Variants in CASP10 observed in about 807,000 individuals in gnomAD.
The protein encoded by CASP10 is caspase 10.
Under a neutral mutation model 48.5 loss-of-function variants are expected in CASP10, and 41 were observed. The observed-to-expected ratio is 0.85, with a 90% CI of 0.66 to 1.10. The LOEUF is 1.10. CASP10 is among the 50% of genes least tolerant of loss of function. CASP10 has a pLI of 0.00. For missense variants in CASP10, 614 were observed against 614.5 expected (o/e 1.00, Z 0.01); for synonymous variants, 232 against 238.4 (o/e 0.97, Z 0.25).
intron 5 of CASP10, chr2:201,200,414 T>C (rs1308259547): frequency 5.6e-6 from 9 of 1,593,168 alleles, no homozygotes; most frequent in South Asian, 1.1e-5. Flanking sequence ...AGCATTCTAC[T>C]GTAAAGAAGG....
At position 201,217,596 on chromosome 2, in the gene CASP10, A is replaced by T. The variant is rs757652360; in HGVS notation, c.1424A>T (p.Asp475Val). 2.5e-6 allele frequency: 4 copies of T among 1,613,384 alleles called. No homozygotes were observed. In the Admixed American group the frequency reaches 6.7e-5, roughly 27 times the overall value. The change falls in exon 10 of 10, where the codon GAC becomes GTC. Residue 475 changes from aspartate (D) to valine (V), a missense_variant. Asp to Val is a radical substitution (Grantham distance 152). Coordinates refer to ENST00000286186, the MANE Select transcript of CASP10 (RefSeq NM_032977.4). ...HLKKLVPRHE[D>V]ILSILTAVND... is the part of the protein sequence containing the mutation. Reference sequence around the variant, plus strand: ...TTTCTTCTTTGTTGCAGACATGAAGACATCTTATCCATCCTCACTGCTGTC... The same window carrying T: ...TTTCTTCTTTGTTGCAGACATGAAGTCATCTTATCCATCCTCACTGCTGTC...
At chr2:201,191,131 G>A (rs7574531) in intron 3 of CASP10, among the ~76,000 whole-genome samples, 9,216 of 152,084 alleles carry the variant, frequency 0.061, 908 homozygotes, top group African/African-American at 0.21. Flanking sequence ...CAAAGTGTTG[G>A]GATTACAGGT....
At chr2:201,221,947 G>T (rs1945729977), downstream of CASP10, among the ~76,000 whole-genome samples, 2 of 152,176 alleles carry the variant, frequency 1.3e-5, no homozygotes, top group Admixed American at 6.5e-5. Flanking sequence ...CGTAGGAGGG[G>T]TACACAGTTG....
intron 4 of CASP10, 54 bp from the exon 5 acceptor site, chr2:201,195,788 C>A: frequency 7.1e-7 from 1 of 1,401,996 alleles, no homozygotes; most frequent in Non-Finnish European, 1.0e-6. Context: ...AGCAATTCTC[C>A]TGCTGCTAGT....
Position 201,218,990 on chromosome 2 carries a change from C to G in CASP10, c.*1249C>G, listed in dbSNP as rs569677351. On this transcript the variant is annotated 3_prime_UTR_variant, in exon 10 of 10. Transcript: ENST00000286186. ...ACCTGATGTCATATTCCATTTTGGA[C>G]TGGGTGCGGTGACTCATGCCTGTAA... is the stretch of plus-strand genomic sequence containing the variant. 6.1e-6 allele frequency: 6 copies of G among 985,372 alleles called. No individual in the cohort carries two copies. The South Asian group carries it at 2.3e-4, about 39-fold the overall frequency. 61.0% of individuals were successfully genotyped at this position (985,372 alleles called of 1,614,324 possible). A position where few individuals can be genotyped will look rare whatever the true frequency, so the allele number is the denominator to read the frequency against.
intron 2 of CASP10, chr2:201,186,458 A>G (rs530461410): frequency 2.8e-6 from 1 of 354,158 alleles, no homozygotes; most frequent in Admixed American, 4.2e-5. Context: ...CCTGGGATCC[A>G]CTAGTCTGTC....
In CASP10 at chr2:201,208,073, A is replaced by G. The variant is rs1400473967; in HGVS notation, c.814-2A>G. On this transcript the variant is annotated splice_acceptor_variant, in intron 7 of 9. Coordinates refer to ENST00000286186, the MANE Select transcript of CASP10 (RefSeq NM_032977.4). LOFTEE classifies it high-confidence loss of function. ...ACTAAGTGGCTCTATCTATTCTTCA[A>G]GAGGGCAGCTGTGTACAGGATGAAT... 1.2e-6 allele frequency: 2 copies of G among 1,611,156 alleles called. No homozygotes were observed. The highest frequency in any genetic ancestry group is 1.7e-6 in the Non-Finnish European group (2 of 1,177,360).
At chr2:201,200,675 A>C in intron 5 of CASP10, 1 of 1,386,158 alleles carries the variant, frequency 7.2e-7, no homozygotes, top group Non-Finnish European at 9.3e-7. Context: ...GCCACTTTGT[A>C]AGTGATCTTA....
At chr2:201,216,179 TTAA>T (rs1331471620) in intron 9 of CASP10, among the ~76,000 whole-genome samples, 1 of 149,806 alleles carries the variant, frequency 6.7e-6, no homozygotes, top group African/African-American at 2.4e-5. Context: ...CAATTATTAT[TTAA>T]TATTAATTTA....
In CASP10 at chr2:201,205,920, A is replaced by C. The variant is rs781669542; in HGVS notation, c.760A>C (p.Arg254=). ...AAATGGTGCACCAAGCCTGGTCTCC[A>C]GGGGGATGCAAGGAGCATCTGCTAA... The part of the protein sequence containing the change: ...ATNGAPSLVS[R]GMQGASANTL... The change falls in exon 7 of 10, where the codon AGG becomes CGG. Residue 254 remains arginine, a synonymous_variant. Coordinates refer to ENST00000286186, the MANE Select transcript of CASP10 (RefSeq NM_032977.4). The C allele has an allele frequency of 3.7e-6, 6 of 1,613,492 alleles. No individual in the cohort carries two copies. Among genetic ancestry groups the C allele is most frequent in the Non-Finnish European group, 5.1e-6 (6 of 1,179,438 alleles).
At position 201,208,953 on chromosome 2, in the gene CASP10, T is replaced by C. The variant is rs1336397581; in HGVS notation, c.923-117T>C. The C allele has an allele frequency of 2.7e-6, 3 of 1,122,316 alleles. No individual in the cohort carries two copies. In the East Asian group the frequency reaches 7.7e-5, roughly 29 times the overall value. The allele number at this position is 1,122,316 out of a possible 1,614,324, so 69.5% of individuals were successfully genotyped here. A position where few individuals can be genotyped will look rare whatever the true frequency, so the allele number is the denominator to read the frequency against. ...TCGGCCTTCCAAAGTGCTGAGATTA[T>C]AGGTGTGAGCCACTGTGCCCGGCCT... On this transcript the variant is annotated intron_variant, in intron 8 of 9. Transcript: ENST00000286186.
downstream of CASP10, among the ~76,000 whole-genome samples, chr2:201,224,261 G>A (rs1309287700): frequency 4.0e-5 from 6 of 151,356 alleles, no homozygotes; most frequent in Non-Finnish European, 1.5e-5. Flanking sequence ...GTGAGCCACC[G>A]TGCCTGGCCA....
chr2:201,224,035 G>A (rs1353348957), downstream of CASP10, among the ~76,000 whole-genome samples: 1 of 149,780 alleles, frequency 6.7e-6, no homozygotes, highest in Non-Finnish European at 1.5e-5. Context: ...GCAGTGGCTC[G>A]ATCTTGGCTC....
At chr2:201,214,170 A>G (rs1230445560) in intron 9 of CASP10, 1 of 152,186 alleles carries the variant, frequency 6.6e-6, no homozygotes, top group Non-Finnish European at 1.5e-5. Flanking sequence ...GGCATAAATA[A>G]GTGTAATAAG....
intron 4 of CASP10, among the ~76,000 whole-genome samples, 154 bp from the exon 5 acceptor site, chr2:201,195,688 C>G (rs200249066): frequency 2.0e-5 from 3 of 148,884 alleles, no homozygotes; most frequent in Non-Finnish European, 3.0e-5. Flanking sequence ...TTTTTTTTTT[C>G]TTTTTTTTGA....
intron 9 of CASP10, among the ~76,000 whole-genome samples, chr2:201,227,483 A>G (rs1382547485): frequency 6.6e-6 from 1 of 152,198 alleles, no homozygotes; most frequent in Admixed American, 6.5e-5. Flanking sequence ...CCAGGAAGCA[A>G]GCTGCAGATG....
In CASP10 at chr2:201,183,292, T is replaced by G. The variant is rs1944293698; in HGVS notation, c.-24T>G. ...GAACCGTTTACTTCCAGAAGATTGGTGGAGCTTGATCTGAAGGTATGTAAT... is the reference window on the plus strand; with the variant it reads ...GAACCGTTTACTTCCAGAAGATTGGGGGAGCTTGATCTGAAGGTATGTAAT... On this transcript the variant is annotated 5_prime_UTR_variant, in exon 1 of 10. Coordinates refer to ENST00000286186, the MANE Select transcript of CASP10 (RefSeq NM_032977.4). 1 of 152,226 alleles carries G rather than the reference T, an allele frequency of 6.6e-6. No individual in the cohort carries two copies. The highest frequency in any genetic ancestry group is 2.4e-5 in the African/African-American group (1 of 41,456). 9.4% of individuals were successfully genotyped at this position (152,226 alleles called of 1,614,324 possible).
chr2:201,218,994 G>A lies in CASP10; in HGVS notation c.*1253G>A, dbSNP rs913638417. 1.3e-5 allele frequency: 13 copies of A among 985,182 alleles called. No homozygotes were observed. Among genetic ancestry groups the A allele is most frequent in the African/African-American group, 1.7e-5 (1 of 57,232 alleles). The allele number at this position is 985,182 out of a possible 1,614,324, so 61.0% of individuals were successfully genotyped here. A position where few individuals can be genotyped will look rare whatever the true frequency, so the allele number is the denominator to read the frequency against. ...GATGTCATATTCCATTTTGGACTGG[G>A]TGCGGTGACTCATGCCTGTAATCCC... On this transcript the variant is annotated 3_prime_UTR_variant, in exon 10 of 10. Coordinates refer to ENST00000286186, the MANE Select transcript of CASP10 (RefSeq NM_032977.4).
chr2:201,202,181 T>G (rs1680855781), intron 5 of CASP10, among the ~76,000 whole-genome samples: 1 of 152,140 alleles, frequency 6.6e-6, no homozygotes, highest in Non-Finnish European at 1.5e-5. Flanking sequence ...GGCATAAGGT[T>G]TTCTTAAGGA....
Sources: gnomAD v4.1 joint callset for allele counts (sites outside exome capture counted in the v4.1 genomes callset) on GRCh38, gnomAD v4.1.1 for gene constraint, MANE v1.5 for transcripts, NCBI Gene and HGNC (gene_info 2026-07-23, HGNC 2026-07-21) for gene names.